Variants in EXOC4 observed in about 807,000 individuals in gnomAD.
EXOC4 encodes exocyst complex component 4, also known as SEC8-like 1.
A neutral mutation model predicts 107.2 loss-of-function variants in EXOC4; 71 were observed. The observed-to-expected ratio is 0.66, with a 90% CI of 0.55 to 0.81. The LOEUF (loss-of-function observed/expected upper bound fraction) is 0.81. EXOC4 is among the 30% of genes least tolerant of loss of function. The pLI is 0.00. For missense variants in EXOC4, 1,108 were observed against 1,189.6 expected (o/e 0.93, Z 1.01); for synonymous variants, 456 against 441.2 (o/e 1.03, Z -0.42).
intron 11 of EXOC4, among the ~76,000 whole-genome samples, chr7:133,853,116 G>T (rs1408877369): frequency 6.6e-6 from 1 of 152,070 alleles, no homozygotes; most frequent in African/African-American, 2.4e-5. Context: ...AGTGCATTTT[G>T]ACTGTGGTTT....
At chr7:133,982,580 T>C (rs1354709474) in intron 14 of EXOC4, among the ~76,000 whole-genome samples, 1 of 152,004 alleles carries the variant, frequency 6.6e-6, no homozygotes, top group Admixed American at 6.6e-5. Context: ...AAAAAGATAC[T>C]GGGTTTTTGT....
chr7:133,508,594 C>A (rs369659929), intron 9 of EXOC4, among the ~76,000 whole-genome samples: 3 of 152,186 alleles, frequency 2.0e-5, no homozygotes, highest in East Asian at 1.9e-4. Context: ...AACCTTACAC[C>A]TTTTCCCTTG....
At chr7:133,478,312 GA>G (rs1039412652) in intron 8 of EXOC4, among the ~76,000 whole-genome samples, 2 of 146,660 alleles carry the variant, frequency 1.4e-5, no homozygotes, top group African/African-American at 5.2e-5. Context: ...GTGGTATTGG[GA>G]AAAAAAAAAA....
chr7:133,453,237 A>G (rs2150811624), intron 7 of EXOC4, among the ~76,000 whole-genome samples: 1 of 152,332 alleles, frequency 6.6e-6, no homozygotes, highest in Admixed American at 6.5e-5. Flanking sequence ...TGATTTTAAT[A>G]TCATTGGTTG....
intron 11 of EXOC4, among the ~76,000 whole-genome samples, chr7:133,828,141 C>T (rs1440704362): frequency 6.6e-6 from 1 of 152,204 alleles, no homozygotes; most frequent in Admixed American, 6.5e-5. Flanking sequence ...TGCCTTATGA[C>T]AGATCTGCTG....
At chr7:134,067,572 C>T (rs1345276408), downstream of EXOC4, among the ~76,000 whole-genome samples, 4 of 150,534 alleles carry the variant, frequency 2.7e-5, no homozygotes, top group Non-Finnish European at 5.9e-5. Context: ...AGTTAGCCTT[C>T]GTTGGAATAA....
chr7:133,440,633 A>G (rs1798082119), intron 7 of EXOC4, among the ~76,000 whole-genome samples: 1 of 152,230 alleles, frequency 6.6e-6, no homozygotes, highest in African/African-American at 2.4e-5. Context: ...AGGTTGCAGT[A>G]AAGAAGCTGG....
intron 9 of EXOC4, among the ~76,000 whole-genome samples, chr7:133,616,667 C>G (rs1339387612): frequency 2.0e-5 from 3 of 151,980 alleles, no homozygotes; most frequent in Non-Finnish European, 4.4e-5. Context: ...ATCAAATAAT[C>G]ATAACTAGAT....
Position 133,339,119 on chromosome 7 carries a change from T to A in EXOC4, c.764-17211T>A, listed in dbSNP as rs566415479. 2.0e-5 allele frequency among the ~76,000 whole-genome samples: 3 copies of A among 152,342 alleles called. No homozygotes were observed. The East Asian group carries it at 5.8e-4, about 29-fold the overall frequency. ...CCCACTTATAAGTGAGAACATATGA[T>A]GTTTGGTTTTCCATTCTTGTGTTAC... On this transcript the variant is annotated intron_variant, in intron 5 of 17. Coordinates refer to ENST00000253861, the MANE Select transcript of EXOC4 (RefSeq NM_021807.4).
At chr7:133,312,425 A>G (rs1345213991) in intron 4 of EXOC4, among the ~76,000 whole-genome samples, 1 of 152,220 alleles carries the variant, frequency 6.6e-6, no homozygotes, top group Non-Finnish European at 1.5e-5. Context: ...AAAAGGAATT[A>G]CTTGTGAGAA....
intron 9 of EXOC4, among the ~76,000 whole-genome samples, chr7:133,534,692 G>T (rs766817361): frequency 6.6e-6 from 1 of 152,092 alleles, no homozygotes; most frequent in Non-Finnish European, 1.5e-5. Flanking sequence ...AGTCAATCAG[G>T]CCAAATCAAA....
chr7:133,259,232 C>CTTTTTT (rs1160021022), intron 1 of EXOC4, among the ~76,000 whole-genome samples: 1 of 129,566 alleles, frequency 7.7e-6, no homozygotes, highest in Non-Finnish European at 1.7e-5. Flanking sequence ...AGTTTAATTT[C>CTTTTTT]TTTTTTTTTT....
chr7:133,831,561 AT>A (rs55833548), intron 11 of EXOC4, among the ~76,000 whole-genome samples: 6 of 146,556 alleles, frequency 4.1e-5, no homozygotes, highest in Non-Finnish European at 3.0e-5. Flanking sequence ...CATCTTTGTG[AT>A]TTTTTTTTTT....
intron 13 of EXOC4, among the ~76,000 whole-genome samples, chr7:133,934,542 C>T (rs745367381): frequency 6.6e-6 from 1 of 152,168 alleles, no homozygotes; most frequent in East Asian, 1.9e-4. Flanking sequence ...ACACGGCAGA[C>T]ATGCCCAGGG....
At chr7:134,055,869 G>A (rs1795908846) in intron 17 of EXOC4, among the ~76,000 whole-genome samples, 1 of 152,116 alleles carries the variant, frequency 6.6e-6, no homozygotes, top group Non-Finnish European at 1.5e-5. Flanking sequence ...TGAAGCCAAG[G>A]ACTATACCTT....
At chr7:133,998,591 T>G (rs1034798085) in intron 15 of EXOC4, among the ~76,000 whole-genome samples, 1 of 152,010 alleles carries the variant, frequency 6.6e-6, no homozygotes, top group African/African-American at 2.4e-5. Context: ...TGGGGAGGAC[T>G]GAAAGAATAA....
chr7:133,685,438 C>G (rs1399363694), intron 10 of EXOC4, among the ~76,000 whole-genome samples: 5 of 152,096 alleles, frequency 3.3e-5, no homozygotes, highest in African/African-American at 1.2e-4. Context: ...TGAGACCTCC[C>G]CAGCCATGTT....
chr7:133,893,365 C>T (rs1311629964), intron 11 of EXOC4, among the ~76,000 whole-genome samples: 1 of 82,994 alleles, frequency 1.2e-5, no homozygotes, highest in Admixed American at 9.2e-5. Context: ...ACTGATGGGT[C>T]TTGACTCTTT....
At chr7:133,748,344 A>T (rs1795720599) in intron 10 of EXOC4, among the ~76,000 whole-genome samples, 1 of 152,156 alleles carries the variant, frequency 6.6e-6, no homozygotes, top group African/African-American at 2.4e-5. Flanking sequence ...CTTCACTAAC[A>T]CACTGTATCA....
Sources: allele counts gnomAD v4.1 joint callset (sites outside exome capture counted in the v4.1 genomes callset), GRCh38; gene constraint gnomAD v4.1.1; transcripts MANE v1.5; gene names NCBI Gene and HGNC (gene_info 2026-07-23, HGNC 2026-07-21).